Variants in EIF3M observed in about 807,000 individuals in gnomAD.
EIF3M encodes the protein eukaryotic translation initiation factor 3 subunit M.
A neutral mutation model predicts 49.7 loss-of-function variants in EIF3M; 25 were observed. The observed-to-expected ratio is 0.50, with a 90% confidence interval of 0.37 to 0.70. The LOEUF (loss-of-function observed/expected upper bound fraction) is 0.70, where lower values mean the gene tolerates loss of function less well. EIF3M is among the 30% of genes least tolerant of loss of function. The probability of loss-of-function intolerance (pLI) is 0.00; values close to 1 mark genes in which losing one functional copy is unlikely to be tolerated. For missense variants in EIF3M, 350 were observed against 440.0 expected (o/e 0.80, Z 1.83); for synonymous variants, 156 against 149.8 (o/e 1.04, Z -0.30).
chr11:32,588,154 G>T (rs1382983482), intron 2 of EIF3M, among the ~76,000 whole-genome samples: 2 of 152,100 alleles, frequency 1.3e-5, no homozygotes, highest in African/African-American at 4.8e-5. Context: ...ACTTTGGGAG[G>T]CCGAGGCAGG....
intron 7 of EIF3M, 71 bp downstream of exon 7, chr11:32,595,084 T>C (rs1365718594): frequency 2.2e-6 from 3 of 1,361,014 alleles, no homozygotes; most frequent in East Asian, 2.3e-5. Context: ...GCAGGACTCT[T>C]TTTCTTTGCA....
In EIF3M at chr11:32,602,917, G is replaced by C; in HGVS notation, c.*518G>C. 6.2e-7 allele frequency: 1 copy of C among 1,612,322 alleles called. No individual in the cohort carries two copies. The highest frequency in any genetic ancestry group is 8.5e-7 in the Non-Finnish European group (1 of 1,179,028). ...ATTTTCACTTTTATTTAGTTGATTC[G>C]TAATGAGGCTCTGCCAGTCATCATC... On this transcript the variant is annotated 3_prime_UTR_variant, in exon 11 of 11. Transcript: ENST00000531120.
chr11:32,594,037 C>A, intron 6 of EIF3M, 88 bp downstream of exon 6: 2 of 872,670 alleles, frequency 2.3e-6, no homozygotes, highest in Non-Finnish European at 1.6e-6. Flanking sequence ...ATCATGTTTG[C>A]AACTACCAGT....
intron 3 of EIF3M, 29 bp from the exon 4 acceptor site, chr11:32,588,983 C>T (rs1855049909): frequency 6.2e-7 from 1 of 1,610,028 alleles, no homozygotes; most frequent in South Asian, 1.1e-5. Flanking sequence ...TGATTTCAAA[C>T]ATTGTTTATT....
chr11:32,584,058 G>A, intron 1 of EIF3M, 129 bp downstream of exon 1: 5 of 1,276,834 alleles, frequency 3.9e-6, no homozygotes, highest in Non-Finnish European at 5.4e-6. Context: ...CGAGAATGGG[G>A]AGGCCGGTGG....
intron 8 of EIF3M, among the ~76,000 whole-genome samples, chr11:32,600,105 C>T (rs1855238053): frequency 6.6e-6 from 1 of 151,842 alleles, no homozygotes; most frequent in South Asian, 2.1e-4. Context: ...TGTTAAATGA[C>T]ACACACACTT....
At chr11:32,589,267 C>A (rs527977049) in intron 4 of EIF3M, 132 bp downstream of exon 4, 1 of 1,369,328 alleles carries the variant, frequency 7.3e-7, no homozygotes, top group African/African-American at 1.5e-5. Flanking sequence ...ACCTCCGCCT[C>A]CAGGGTTCAA....
intron 10 of EIF3M, 94 bp downstream of exon 10, chr11:32,601,916 C>G: frequency 3.1e-6 from 4 of 1,296,520 alleles, no homozygotes; most frequent in Non-Finnish European, 4.4e-6. Flanking sequence ...GTGGTGTTAT[C>G]ACTTGACTGT....
At chr11:32,589,442 C>T in intron 4 of EIF3M, 105 bp from the exon 5 acceptor site, 1 of 1,167,798 alleles carries the variant, frequency 8.6e-7, no homozygotes, top group Middle Eastern at 2.8e-4. Context: ...TCCCAAAGTG[C>T]TGGGGATTAT....
At chr11:32,595,480 C>G (rs1322785918) in intron 7 of EIF3M, among the ~76,000 whole-genome samples, 2 of 152,172 alleles carry the variant, frequency 1.3e-5, no homozygotes, top group African/African-American at 2.4e-5. Flanking sequence ...AATGATCTGC[C>G]CACTTCGGCC....
At position 32,590,938 on chromosome 11, in the gene EIF3M, C is replaced by T. The variant is rs180753805; in HGVS notation, c.533+1297C>T. ...CAATCTCAGCTCACTGCGAGCTCCA[C>T]CTCCCGGGTTCATGCCATTCTCCTG... On this transcript the variant is annotated intron_variant, in intron 5 of 10. Coordinates refer to ENST00000531120, the MANE Select transcript of EIF3M (RefSeq NM_006360.6). 7.1e-3 allele frequency among the ~76,000 whole-genome samples: 1,082 copies of T among 152,130 alleles called. 16 individuals are homozygous for T. Among genetic ancestry groups the T allele is most frequent in the African/African-American group, 0.025 (1,043 of 41,488 alleles).
chr11:32,590,647 A>G (rs371368026), intron 5 of EIF3M, among the ~76,000 whole-genome samples: 1 of 152,318 alleles, frequency 6.6e-6, no homozygotes, highest in South Asian at 2.1e-4. Flanking sequence ...GGAAGGGGAT[A>G]CTTGTTTAAA....
chr11:32,586,942 A>G (rs529323929), intron 1 of EIF3M, 70 bp from the exon 2 acceptor site: 201 of 1,483,300 alleles, frequency 1.4e-4, no homozygotes, highest in East Asian at 2.1e-4. Context: ...AGTTTTTCAG[A>G]AAGAGGACAG....
At chr11:32,586,863 G>T in intron 1 of EIF3M, 149 bp from the exon 2 acceptor site, 1 of 1,075,556 alleles carries the variant, frequency 9.3e-7, no homozygotes, top group Non-Finnish European at 1.3e-6. Context: ...GGATTGCCAA[G>T]ATGGATGAGG....
In EIF3M at chr11:32,587,080, A is replaced by G; in HGVS notation, c.111A>G (p.Gly37=). 6.2e-7 allele frequency: 1 copy of G among 1,612,960 alleles called. No individual in the cohort carries two copies. The highest frequency in any genetic ancestry group is 8.5e-7 in the Non-Finnish European group (1 of 1,179,084). ...AEISEENSEG[G]LHVDLAQIIE... ...TTTCAGAAGAGAACTCGGAAGGTGG[A>G]CTTCATGTTGATTTAGCTCAAATTA... The change falls in exon 2 of 11, where the codon GGA becomes GGG. Residue 37 remains glycine (G), a synonymous_variant. Transcript: ENST00000531120.
intron 7 of EIF3M, among the ~76,000 whole-genome samples, chr11:32,595,277 G>A (rs148490317): frequency 0.013 from 2,031 of 151,608 alleles, 54 homozygotes; most frequent in African/African-American, 0.046. Flanking sequence ...CCAGGCTGGA[G>A]TGCGGTGGCA....
intron 8 of EIF3M, among the ~76,000 whole-genome samples, chr11:32,599,193 A>C (rs1855223643): frequency 6.6e-6 from 1 of 152,038 alleles, no homozygotes. Context: ...AATTGCCCTA[A>C]CATGTCCACA....
At chr11:32,599,286 G>A (rs141249234) in intron 8 of EIF3M, among the ~76,000 whole-genome samples, 5 of 152,058 alleles carry the variant, frequency 3.3e-5, no homozygotes, top group African/African-American at 1.2e-4. Flanking sequence ...TAGGGTTAAT[G>A]TGCACTAATT....
chr11:32,594,400 T>C (rs974135251), intron 6 of EIF3M: 2 of 155,192 alleles, frequency 1.3e-5, no homozygotes, highest in African/African-American at 4.8e-5. Context: ...CTTCTTTTTT[T>C]GGTCATTGCT....
Sources: gnomAD v4.1 joint callset for allele counts (sites outside exome capture counted in the v4.1 genomes callset) on GRCh38, gnomAD v4.1.1 for gene constraint, MANE v1.5 for transcripts, NCBI Gene and HGNC (gene_info 2026-07-23, HGNC 2026-07-21) for gene names.